DERA: variants seen among roughly 807,000 people sequenced by gnomAD.
DERA encodes the protein 2-deoxy-D-ribose 5-phosphate aldolase.
In DERA, 15 loss-of-function variants were observed where a neutral mutation model predicts 41.1. The ratio of observed to expected loss-of-function variants is 0.37; its 90% CI spans 0.24 to 0.56. The LOEUF (loss-of-function observed/expected upper bound fraction) is 0.56. Ranked by LOEUF, DERA falls within the 20% of genes least tolerant of loss-of-function variation. DERA has a pLI of 0.81. For synonymous variants in DERA, 139 were observed against 137.4 expected (o/e 1.01, Z -0.08); for missense variants, 396 against 403.4 (o/e 0.98, Z 0.16).
At chr12:15,925,154 C>A (rs1022960011) in intron 1 of DERA, among the ~76,000 whole-genome samples, 1 of 152,118 alleles carries the variant, frequency 6.6e-6, no homozygotes, top group Non-Finnish European at 1.5e-5. Context: ...GAGCCCCAAC[C>A]CCTTTGCTGT....
rs765535987 is a variant in DERA at position 15,918,115 on chromosome 12, C to T, written c.31+6701C>T. Among the ~76,000 whole-genome samples the T allele has an allele frequency of 2.0e-5, 3 of 152,194 alleles. No homozygotes were observed. The highest frequency in any genetic ancestry group is 4.4e-5 in the Non-Finnish European group (3 of 68,036). On this transcript the variant is annotated intron_variant, in intron 1 of 8. Transcript: ENST00000428559. This position sits in a 1 kb window ranked among gnomAD's most constrained non-coding sequence, Gnocchi z 4.3. ...TATTTGAAACACTCCACATGCTTCCCCTGGCCCCAGCAGATGTTCTTCTCA... is the reference window on the plus strand; with the variant it reads ...TATTTGAAACACTCCACATGCTTCCTCTGGCCCCAGCAGATGTTCTTCTCA...
At chr12:16,016,615 C>T (rs907095525) in intron 6 of DERA, among the ~76,000 whole-genome samples, 1 of 151,622 alleles carries the variant, frequency 6.6e-6, no homozygotes, top group Non-Finnish European at 1.5e-5. Flanking sequence ...GCCCAGACAA[C>T]ATGGTAAAAC....
chr12:15,949,514 T>C (rs1206317039), intron 1 of DERA, among the ~76,000 whole-genome samples: 1 of 152,076 alleles, frequency 6.6e-6, no homozygotes, highest in South Asian at 2.1e-4. Context: ...TGGGATATAA[T>C]CTCCTGGTGT....
At chr12:16,027,368 A>G (rs1949060317) in intron 6 of DERA, among the ~76,000 whole-genome samples, 1 of 152,222 alleles carries the variant, frequency 6.6e-6, no homozygotes, top group Admixed American at 6.5e-5. Context: ...ATAGGTTCAC[A>G]TCCTAATCCC....
chr12:15,977,243 C>T (rs561528026), intron 5 of DERA, among the ~76,000 whole-genome samples: 3 of 152,204 alleles, frequency 2.0e-5, no homozygotes, highest in South Asian at 2.1e-4. Flanking sequence ...ATCTGTTGCT[C>T]GAAGCACTGC....
intron 5 of DERA, among the ~76,000 whole-genome samples, chr12:15,968,119 A>C (rs1948636190): frequency 6.8e-6 from 1 of 146,226 alleles, no homozygotes; most frequent in Admixed American, 6.9e-5. Context: ...TCCAGTTCTT[A>C]GTTGCATATA....
chr12:16,029,913 C>CTTTTTTTT lies in DERA; in HGVS notation c.638-2609_638-2602dup, dbSNP rs71438364. Among the ~76,000 whole-genome samples, 117 of 59,718 alleles carry CTTTTTTTT rather than the reference C, an allele frequency of 2.0e-3. 33 individuals carry two copies. Among genetic ancestry groups the CTTTTTTTT allele is most frequent in the East Asian group, 7.0e-3 (11 of 1,564 alleles). The allele number at this position is 59,718 out of a possible 152,430, so 39.2% of individuals were successfully genotyped here. On this transcript the variant is annotated intron_variant, in intron 6 of 8. Transcript: ENST00000428559. The stretch of plus-strand genomic sequence containing the variant: ...TCAGACCTCCAAATGTAGCCTTGGT[C>CTTTTTTTT]TTTTTTTTTTTTTTTTTTTTTTTTT...
At chr12:15,971,281 T>C (rs1948657829) in intron 5 of DERA, among the ~76,000 whole-genome samples, 1 of 152,222 alleles carries the variant, frequency 6.6e-6, no homozygotes. Context: ...TCACATGTGC[T>C]CCTAGGCTCT....
intron 1 of DERA, among the ~76,000 whole-genome samples, chr12:15,929,095 C>T (rs1200203259): frequency 1.3e-5 from 2 of 152,158 alleles, no homozygotes; most frequent in Non-Finnish European, 2.9e-5. Context: ...AGCTTGTGTC[C>T]CTGTGGAGCC....
Position 16,036,372 on chromosome 12 carries a change from T to C in DERA, c.891T>C (p.Ile297=). 6.3e-7 allele frequency: 1 copy of C among 1,598,246 alleles called. No individual in the cohort carries two copies. Among genetic ancestry groups the C allele is most frequent in the South Asian group, 1.1e-5 (1 of 87,976 alleles). Residue 297 remains isoleucine, a synonymous_variant, in exon 8 of 9, where the codon ATT becomes ATC. Transcript: ENST00000428559. The surrounding 1 kb of genome is among the most constrained non-coding windows in gnomAD (Gnocchi z 4.9). Reference sequence around the variant, plus strand: ...GTGCCAGTACTCTGCTCTCGGACATTGAGAGGCAGGTGAGTAATCATCTCT... The same window carrying C: ...GTGCCAGTACTCTGCTCTCGGACATCGAGAGGCAGGTGAGTAATCATCTCT... ...RIGASTLLSD[I]ERQIYHHVTG...
chr12:15,929,218 A>G (rs1191310786), intron 1 of DERA, among the ~76,000 whole-genome samples: 1 of 152,194 alleles, frequency 6.6e-6, no homozygotes, highest in African/African-American at 2.4e-5. Flanking sequence ...TAAAGGTGGA[A>G]TGGGGTACTT....
chr12:16,026,412 T>C lies in DERA; in HGVS notation c.638-6130T>C, dbSNP rs1949053689. On this transcript the variant is annotated intron_variant, in intron 6 of 8. Transcript: ENST00000428559. The surrounding 1 kb of genome is among the most constrained non-coding windows in gnomAD (Gnocchi z 4.4). ...ATAAAGGAATGTGTGAACAGCTCTATTTTCACAAATTTGATAACTTAGGTG... is the reference window on the plus strand; with the variant it reads ...ATAAAGGAATGTGTGAACAGCTCTACTTTCACAAATTTGATAACTTAGGTG... 6.6e-6 allele frequency among the ~76,000 whole-genome samples: 1 copy of C among 151,502 alleles called. No individual in the cohort carries two copies. Among genetic ancestry groups the C allele is most frequent in the South Asian group, 2.1e-4 (1 of 4,824 alleles).
chr12:15,955,185 G>C (rs187555453), intron 1 of DERA, among the ~76,000 whole-genome samples: 40 of 151,994 alleles, frequency 2.6e-4, no homozygotes, highest in Non-Finnish European at 4.3e-4. Context: ...CTGTAGCCCT[G>C]GCTCCTTGGG....
chr12:15,948,748 G>A (rs1948471753), intron 1 of DERA, among the ~76,000 whole-genome samples: 1 of 152,224 alleles, frequency 6.6e-6, no homozygotes, highest in Admixed American at 6.5e-5. Context: ...GCGAGAAGCT[G>A]CGTTCCTTTG....
In DERA at chr12:16,020,448, G is replaced by T. The variant is rs1949011124; in HGVS notation, c.638-12094G>T. On this transcript the variant is annotated intron_variant, in intron 6 of 8. Transcript: ENST00000428559. This position sits in a 1 kb window ranked among gnomAD's most constrained non-coding sequence, Gnocchi z 5.5. ...GGTTACAATTTGACATGAGATTTGG[G>T]CAGAGACACAGACCTAAACCATATC... is the stretch of plus-strand genomic sequence containing the variant. Among the ~76,000 whole-genome samples the T allele has an allele frequency of 6.6e-6, 1 of 152,140 alleles. No homozygotes were observed. Among genetic ancestry groups the T allele is most frequent in the South Asian group, 2.1e-4 (1 of 4,820 alleles).
chr12:15,954,364 G>T lies in DERA; in HGVS notation c.32-2572G>T, dbSNP rs1948521624. Among the ~76,000 whole-genome samples the T allele has an allele frequency of 6.6e-6, 1 of 152,166 alleles. No homozygotes were observed. The highest frequency in any genetic ancestry group is 2.1e-4 in the South Asian group (1 of 4,824). ...CATTTGGACACATCAGTGGCATTCT[G>T]AGTGAAGGGGATGTACTAAAGGTGG... On this transcript the variant is annotated intron_variant, in intron 1 of 8. Coordinates refer to ENST00000428559, the MANE Select transcript of DERA (RefSeq NM_015954.4). The surrounding 1 kb of genome is among the most constrained non-coding windows in gnomAD (Gnocchi z 4.0).
rs929378206 is a variant in DERA, at chr12:15,921,493, G to T, written c.31+10079G>T. ...AGATTATGGATTAAGTTTGTATTTTGGACTCAGGGAAGAAAGTAGGTTGTA... is the reference window on the plus strand; with the variant it reads ...AGATTATGGATTAAGTTTGTATTTTTGACTCAGGGAAGAAAGTAGGTTGTA... On this transcript the variant is annotated intron_variant, in intron 1 of 8. Transcript: ENST00000428559. The surrounding 1 kb of genome is among the most constrained non-coding windows in gnomAD (Gnocchi z 5.3). Among the ~76,000 whole-genome samples the T allele has an allele frequency of 1.3e-5, 2 of 152,088 alleles. No homozygotes were observed. Among genetic ancestry groups the T allele is most frequent in the Non-Finnish European group, 2.9e-5 (2 of 68,008 alleles).
chr12:16,033,826 AT>A (rs557855318), intron 7 of DERA, among the ~76,000 whole-genome samples: 168 of 152,172 alleles, frequency 1.1e-3, no homozygotes, highest in African/African-American at 3.9e-3. Flanking sequence ...TCCTTCCAGA[AT>A]TTTCTCACTT....
rs116822646 is a variant in DERA at position 15,911,377 on chromosome 12, C to T, written c.-7C>T. 5.2e-3 allele frequency: 7,351 copies of T among 1,409,966 alleles called. 360 individuals are homozygous for T. The African/African-American group carries it at 0.1, about 19-fold the overall frequency. 87.3% of individuals were successfully genotyped at this position (1,409,966 alleles called of 1,614,324 possible). Reference sequence around the variant, plus strand: ...TACCAGCCGGCAGCTCCGGAGCTGCCCGCGCCATGTCCGCGCACAATCGGG... The same window carrying T: ...TACCAGCCGGCAGCTCCGGAGCTGCTCGCGCCATGTCCGCGCACAATCGGG... On this transcript the variant is annotated 5_prime_UTR_variant, in exon 1 of 9. Transcript: ENST00000428559. This position sits in a 1 kb window ranked among gnomAD's most constrained non-coding sequence, Gnocchi z 4.5.
Sources: allele counts gnomAD v4.1 joint callset (sites outside exome capture counted in the v4.1 genomes callset), GRCh38; gene constraint gnomAD v4.1.1; non-coding constraint Gnocchi (gnomAD v3.1); transcripts MANE v1.5; gene names NCBI Gene and HGNC (gene_info 2026-07-23, HGNC 2026-07-21).